The following RGS8 variants were observed in gnomAD, a reference collection of about 807,000 sequenced individuals.
RGS8 encodes regulator of G protein signaling 8.
RGS8 carries 8 observed loss-of-function variants against 21.7 expected under a neutral mutation model. The ratio of observed to expected loss-of-function variants is 0.37; its 90% confidence interval spans 0.22 to 0.66. The LOEUF (loss-of-function observed/expected upper bound fraction) is 0.66. RGS8 is among the 30% of genes least tolerant of loss of function. RGS8 has a pLI of 0.59. For synonymous variants in RGS8, 80 were observed against 83.6 expected, an observed-to-expected ratio of 0.96 and a Z score of 0.24; for missense variants, 157 against 217.9, an observed-to-expected ratio of 0.72 and a Z score of 1.76.
chr1:182,722,064 T>C, the RGS8 span, among the ~76,000 whole-genome samples: 1 of 152,346 alleles, frequency 6.6e-6, no homozygotes, highest in South Asian at 2.1e-4. Flanking sequence ...CCACAGGTTC[T>C]GTGTATGAAG....
At chr1:182,738,510 G>A in the RGS8 span, among the ~76,000 whole-genome samples, 1 of 152,102 alleles carries the variant, frequency 6.6e-6, no homozygotes, top group African/African-American at 2.4e-5. Context: ...AATTAGAGTT[G>A]ACCTTTGAGA....
At chr1:182,665,799 A>G (rs1185383108) in intron 5 of RGS8, among the ~76,000 whole-genome samples, 170 bp downstream of exon 6, 2 of 152,158 alleles carry the variant, frequency 1.3e-5, no homozygotes, top group Non-Finnish European at 2.9e-5. Flanking sequence ...CATTTAAATC[A>G]TTCATTTTCT....
At chr1:182,686,459 G>A (rs1446805977), upstream of RGS8, among the ~76,000 whole-genome samples, 2 of 152,164 alleles carry the variant, frequency 1.3e-5, no homozygotes, top group African/African-American at 4.8e-5. Context: ...GAGAGGAAAG[G>A]ACAAAGTACA....
At chr1:182,672,127 A>G (rs1664195318), upstream of RGS8, 1 of 217,800 alleles carries the variant, frequency 4.6e-6, no homozygotes, top group African/African-American at 2.3e-5. Context: ...GGGGCAGCAA[A>G]GAATAGGTAT....
exon 7 of RGS8, chr1:182,646,384 G>C (rs899046338): frequency 5.1e-6 from 1 of 196,026 alleles, no homozygotes; most frequent in African/African-American, 2.3e-5. Flanking sequence ...AGGGTGTGGA[G>C]GTGGTGGGAA....
At chr1:182,676,401 G>A (rs77152747), upstream of RGS8, among the ~76,000 whole-genome samples, 1,755 of 152,228 alleles carry the variant, frequency 0.012, 31 homozygotes, top group African/African-American at 0.038. Context: ...AAGCTCTTCC[G>A]TAAATCTTTT....
chr1:182,728,775 A>G, the RGS8 span, among the ~76,000 whole-genome samples: 1 of 152,220 alleles, frequency 6.6e-6, no homozygotes, highest in Non-Finnish European at 1.5e-5. Flanking sequence ...ATAATAACCT[A>G]AAGTAATCAG....
intron 5 of RGS8, among the ~76,000 whole-genome samples, chr1:182,656,541 A>C (rs1311538794): frequency 6.6e-6 from 1 of 152,226 alleles, no homozygotes; most frequent in Non-Finnish European, 1.5e-5. Flanking sequence ...CATCTTTCCC[A>C]ACCATGGCCA....
chr1:182,653,953 A>G (rs757432918), intron 5 of RGS8, among the ~76,000 whole-genome samples: 4 of 152,174 alleles, frequency 2.6e-5, no homozygotes, highest in Non-Finnish European at 5.9e-5. Context: ...GCGCCTAGGA[A>G]AGGTAGGGTG....
the RGS8 span, among the ~76,000 whole-genome samples, chr1:182,722,855 G>A: frequency 1.3e-5 from 2 of 152,066 alleles, no homozygotes. Flanking sequence ...GCGGGCGCCT[G>A]TAGTCCCAGC....
At chr1:182,694,558 G>A in the RGS8 span, among the ~76,000 whole-genome samples, 1 of 152,184 alleles carries the variant, frequency 6.6e-6, no homozygotes, top group East Asian at 1.9e-4. Flanking sequence ...CGTAATCCCA[G>A]CACTTTGGGA....
rs1653825379 is a variant in RGS8, at chr1:182,669,735, C to A, written c.-86G>T. On this transcript the variant is annotated 5_prime_UTR_variant, in exon 3 of 7. Transcript: ENST00000483095. ...AAGACTGCGGGGCTCAGGAATTTACCCTTGCACGTCCTCTCACCTAAAATC... is the reference window on the plus strand; with the variant it reads ...AAGACTGCGGGGCTCAGGAATTTACACTTGCACGTCCTCTCACCTAAAATC... 8 of 1,599,980 alleles carry A rather than the reference C, an allele frequency of 5.0e-6. No homozygotes were observed. The Admixed American group carries it at 1.4e-4, about 27-fold the overall frequency.
At chr1:182,697,602 C>A in the RGS8 span, among the ~76,000 whole-genome samples, 2 of 152,150 alleles carry the variant, frequency 1.3e-5, no homozygotes, top group Non-Finnish European at 2.9e-5. Flanking sequence ...TAAGAAGAAC[C>A]CTTACAAGAT....
At chr1:182,742,585 G>C in the RGS8 span, among the ~76,000 whole-genome samples, 8 of 152,250 alleles carry the variant, frequency 5.3e-5, no homozygotes, top group Non-Finnish European at 1.0e-4. Context: ...AAAAAAATAC[G>C]AAAACCAGTC....
At chr1:182,698,102 TC>T in the RGS8 span, among the ~76,000 whole-genome samples, 1 of 152,302 alleles carries the variant, frequency 6.6e-6, no homozygotes, top group Middle Eastern at 3.4e-3. Flanking sequence ...GATGTGAGTT[TC>T]CCCTGTTTCT....
intron 5 of RGS8, among the ~76,000 whole-genome samples, chr1:182,651,338 C>G (rs1018192425): frequency 2.0e-5 from 3 of 152,202 alleles, no homozygotes; most frequent in African/African-American, 7.2e-5. Context: ...CATCACAGCT[C>G]AGCCGAGCCT....
chr1:182,731,514 T>C, the RGS8 span, among the ~76,000 whole-genome samples: 1 of 152,230 alleles, frequency 6.6e-6, no homozygotes, highest in Non-Finnish European at 1.5e-5. Flanking sequence ...AGTCTTCTTC[T>C]AGTTCAAGAT....
At chr1:182,700,097 C>G in the RGS8 span, among the ~76,000 whole-genome samples, 2 of 152,156 alleles carry the variant, frequency 1.3e-5, no homozygotes, top group African/African-American at 4.8e-5. Context: ...CATAACAATG[C>G]GCCCCAGAGC....
upstream of RGS8, chr1:182,672,769 T>G (rs774655285): frequency 6.2e-7 from 1 of 1,607,440 alleles, no homozygotes; most frequent in Non-Finnish European, 8.5e-7. Context: ...CTGCACATGA[T>G]CCCTATTTTT....
Sources: allele counts gnomAD v4.1 joint callset (sites outside exome capture counted in the v4.1 genomes callset), GRCh38; gene constraint gnomAD v4.1.1; transcripts MANE v1.5; gene names NCBI Gene and HGNC (gene_info 2026-07-23, HGNC 2026-07-21).